OSBPL8: variants seen among roughly 807,000 people sequenced by gnomAD.
OSBPL8 encodes oxysterol binding protein like 8.
Under a neutral mutation model 125.5 loss-of-function variants are expected in OSBPL8, and 59 were observed. The ratio of observed to expected loss-of-function variants is 0.47; its 90% confidence interval spans 0.38 to 0.58. The LOEUF (loss-of-function observed/expected upper bound fraction) is 0.58, where lower values mean the gene tolerates loss of function less well. Ranked by LOEUF, OSBPL8 falls within the 20% of genes least tolerant of loss-of-function variation. The pLI, the probability that OSBPL8 is intolerant of heterozygous loss-of-function variation, is 0.00. For synonymous variants in OSBPL8, 330 were observed against 338.9 expected, an observed-to-expected ratio of 0.97 and a Z score of 0.29; for missense variants, 758 against 1,047.8, an observed-to-expected ratio of 0.72 and a Z score of 3.82.
chr12:76,354,578 C>T lies in OSBPL8; in HGVS notation c.*1311G>A, dbSNP rs994695302. ...AATCTATGCTTTCAGGATTCTAAGA[C>T]ATATTTTAGAACAACATATTCCTAA... is the stretch of plus-strand genomic sequence containing the variant. On this transcript the variant is annotated 3_prime_UTR_variant, in exon 24 of 24. Transcript: ENST00000261183. 6.6e-6 allele frequency: 1 copy of T among 151,746 alleles called. No homozygotes were observed. Among genetic ancestry groups the T allele is most frequent in the Non-Finnish European group, 1.5e-5 (1 of 67,816 alleles). The allele number at this position is 151,746 out of a possible 1,614,324, so 9.4% of individuals were successfully genotyped here.
In OSBPL8 at chr12:76,492,203, A is replaced by G. The variant is rs1367224031; in HGVS notation, c.-67-4585T>C. Among the ~76,000 whole-genome samples, 3 of 152,180 alleles carry G rather than the reference A, an allele frequency of 2.0e-5. No individual in the cohort carries two copies. In the East Asian group the frequency reaches 5.8e-4, roughly 29 times the overall value. ...GGTGTCATTGAAAAGGTGACATGTG[A>G]GCAATGATTTGAAGTAGGGAGAAAA... On this transcript the variant is annotated intron_variant, in intron 1 of 23. Transcript: ENST00000261183.
chr12:76,360,573 G>A (rs549911356), intron 21 of OSBPL8, among the ~76,000 whole-genome samples: 1 of 152,328 alleles, frequency 6.6e-6, no homozygotes, highest in South Asian at 2.1e-4. Flanking sequence ...GACTCTGTGG[G>A]GGGCTCCGAC....
intron 1 of OSBPL8, among the ~76,000 whole-genome samples, chr12:76,558,662 T>C (rs560359089): frequency 6.6e-6 from 1 of 152,264 alleles, no homozygotes; most frequent in Admixed American, 6.5e-5. Flanking sequence ...GGTTACGTTC[T>C]GCAACGCAGA....
rs1852091908 is a variant in OSBPL8, at chr12:76,353,914, ATAT to A, written c.*1972_*1974del. ...CTTAGAAGATACCCATACAAATAAAATATTATTTGGACCAAATGAAAACAACAT... is the reference window on the plus strand; with the variant it reads ...CTTAGAAGATACCCATACAAATAAAATATTTGGACCAAATGAAAACAACAT... On this transcript the variant is annotated 3_prime_UTR_variant, in exon 24 of 24. Transcript: ENST00000261183. 1.3e-5 allele frequency: 2 copies of A among 152,528 alleles called. No homozygotes were observed. The highest frequency in any genetic ancestry group is 4.8e-5 in the African/African-American group (2 of 41,580). 9.4% of individuals were successfully genotyped at this position (152,528 alleles called of 1,614,324 possible). A position where few individuals can be genotyped will look rare whatever the true frequency, so the allele number is the denominator to read the frequency against.
Position 76,537,788 on chromosome 12 carries a change from A to C in OSBPL8, c.-68+21609T>G, listed in dbSNP as rs187501420. The stretch of plus-strand genomic sequence containing the variant: ...GCTGGGCATGGTGGTGGGTGCCTGT[A>C]ATCCCAGCTACTCAGGAGGCTGAGG... On this transcript the variant is annotated intron_variant, in intron 1 of 23. Coordinates refer to ENST00000261183, the MANE Select transcript of OSBPL8 (RefSeq NM_020841.5). Among the ~76,000 whole-genome samples the C allele has an allele frequency of 2.0e-5, 3 of 152,274 alleles. No individual in the cohort carries two copies. The East Asian group carries it at 5.8e-4, about 29-fold the overall frequency.
chr12:76,407,323 C>T (rs1262486849), intron 5 of OSBPL8, among the ~76,000 whole-genome samples: 1 of 152,156 alleles, frequency 6.6e-6, no homozygotes, highest in Non-Finnish European at 1.5e-5. Context: ...GCAAACATGG[C>T]TCACTTTCAG....
At position 76,443,803 on chromosome 12, in the gene OSBPL8, G is replaced by C. The variant is rs562663642; in HGVS notation, c.217+7048C>G. Among the ~76,000 whole-genome samples the C allele has an allele frequency of 1.4e-4, 22 of 152,152 alleles. No individual in the cohort carries two copies. In the East Asian group the frequency reaches 3.7e-3, roughly 25 times the overall value. ...ATTATAGGCATGAGACACTGCACCC[G>C]GCCCTTACATATCTGTCTTTCTTAA... On this transcript the variant is annotated intron_variant, in intron 4 of 23. Transcript: ENST00000261183.
At chr12:76,468,647 C>T (rs544653437) in intron 2 of OSBPL8, among the ~76,000 whole-genome samples, 40 of 152,342 alleles carry the variant, frequency 2.6e-4, no homozygotes, top group African/African-American at 9.6e-4. Flanking sequence ...TATGTTCAAG[C>T]TAAAGTTATC....
chr12:76,460,106 A>C (rs1234748097), intron 2 of OSBPL8, among the ~76,000 whole-genome samples: 1 of 152,258 alleles, frequency 6.6e-6, no homozygotes, highest in East Asian at 1.9e-4. Flanking sequence ...TGGATTAAGC[A>C]GTATCAAATA....
chr12:76,410,732 C>A, intron 4 of OSBPL8, 98 bp from the exon 5 acceptor site: 1 of 803,084 alleles, frequency 1.2e-6, no homozygotes, highest in South Asian at 1.6e-5. Flanking sequence ...TAAATCAGTG[C>A]AGGAAGCCTG....
chr12:76,418,236 T>C lies in OSBPL8; in HGVS notation c.218-7602A>G, dbSNP rs530345387. On this transcript the variant is annotated intron_variant, in intron 4 of 23. Coordinates refer to ENST00000261183, the MANE Select transcript of OSBPL8 (RefSeq NM_020841.5). ...GTCAGGCTGGTCTTGAACTCTCGAC[T>C]TCAGGTGATCTGCCCACCTCGGCTT... Among the ~76,000 whole-genome samples, 17 of 152,096 alleles carry C rather than the reference T, an allele frequency of 1.1e-4. No homozygotes were observed. The South Asian group carries it at 3.3e-3, about 30-fold the overall frequency.
At chr12:76,556,302 T>C (rs1344172441) in intron 1 of OSBPL8, among the ~76,000 whole-genome samples, 1 of 152,200 alleles carries the variant, frequency 6.6e-6, no homozygotes, top group Non-Finnish European at 1.5e-5. Context: ...AAGAATATGA[T>C]GCTCTAGGAC....
intron 5 of OSBPL8, among the ~76,000 whole-genome samples, chr12:76,406,371 A>G (rs915783388): frequency 2.6e-5 from 4 of 152,202 alleles, no homozygotes; most frequent in African/African-American, 4.8e-5. Context: ...CAAACCTACA[A>G]GGCAAATAGT....
chr12:76,433,408 T>C (rs996950590), intron 4 of OSBPL8, among the ~76,000 whole-genome samples: 27 of 151,818 alleles, frequency 1.8e-4, no homozygotes, highest in African/African-American at 6.3e-4. Context: ...GGTGTTTCTA[T>C]ACATAATGAG....
chr12:76,523,299 C>A (rs1467858285), intron 1 of OSBPL8, among the ~76,000 whole-genome samples: 1 of 152,096 alleles, frequency 6.6e-6, no homozygotes, highest in African/African-American at 2.4e-5. Flanking sequence ...GTTCTTTCCA[C>A]ATTTCTAAAG....
At position 76,377,266 on chromosome 12, in the gene OSBPL8, T is replaced by C. The variant is rs549377294; in HGVS notation, c.1729+1186A>G. Among the ~76,000 whole-genome samples the C allele has an allele frequency of 1.3e-4, 20 of 152,342 alleles. No individual in the cohort carries two copies. The South Asian group carries it at 4.1e-3, about 32-fold the overall frequency. On this transcript the variant is annotated intron_variant, in intron 16 of 23. Transcript: ENST00000261183. Reference sequence around the variant, plus strand: ...TACATGTGTCTTTATAGCAGAATAATGTATAACCCTTTGGGTATATACCCA... The same window carrying C: ...TACATGTGTCTTTATAGCAGAATAACGTATAACCCTTTGGGTATATACCCA...
chr12:76,427,367 G>A (rs1203369918), intron 4 of OSBPL8, among the ~76,000 whole-genome samples: 2 of 151,416 alleles, frequency 1.3e-5, no homozygotes, highest in Admixed American at 6.6e-5. Context: ...GTATTGTTTT[G>A]ATCAATTTGA....
intron 21 of OSBPL8, among the ~76,000 whole-genome samples, chr12:76,366,107 GT>G (rs1231649942): frequency 1.3e-5 from 2 of 152,202 alleles, no homozygotes; most frequent in Non-Finnish European, 2.9e-5. Flanking sequence ...CAGAGAATAA[GT>G]TAGGAAATGT....
At chr12:76,510,646 G>A (rs1396696402) in intron 1 of OSBPL8, among the ~76,000 whole-genome samples, 2 of 152,110 alleles carry the variant, frequency 1.3e-5, no homozygotes, top group Non-Finnish European at 2.9e-5. Flanking sequence ...TTGGGAGGCC[G>A]AGGCAGGCAG....
Sources: gnomAD v4.1 joint callset for allele counts (sites outside exome capture counted in the v4.1 genomes callset) on GRCh38, gnomAD v4.1.1 for gene constraint, MANE v1.5 for transcripts, NCBI Gene and HGNC (gene_info 2026-07-23, HGNC 2026-07-21) for gene names.